The following PLAC1 variants were observed in gnomAD, a reference collection of about 807,000 sequenced individuals.
PLAC1 encodes the protein placenta-specific protein 1.
For missense variants in PLAC1, 136 were observed against 163.2 expected (o/e 0.83, Z 0.91); for synonymous variants, 68 against 62.1 (o/e 1.09, Z -0.44).
chrX:134,713,653 G>A, intron 2 of PLAC1, among the ~76,000 whole-genome samples: 1 of 112,091 alleles, frequency 8.9e-6, no homozygotes, highest in Middle Eastern at 4.6e-3. Flanking sequence ...AAGCAGTAAG[G>A]AAGTATGACA....
chrX:134,645,669 C>A (rs2078329448), intron 1 of PLAC1, among the ~76,000 whole-genome samples: 1 of 111,786 alleles, frequency 8.9e-6, no homozygotes, highest in South Asian at 3.7e-4. Context: ...GCTGGGCCCA[C>A]GATGTACAGT....
intron 1 of PLAC1, among the ~76,000 whole-genome samples, chrX:134,606,609 G>A (rs1259551832): frequency 1.8e-5 from 2 of 112,039 alleles, no homozygotes; most frequent in African/African-American, 6.5e-5. Flanking sequence ...GAAAACAGTA[G>A]GGATAGTTCT....
chrX:134,691,370 G>T (rs894865771), intron 2 of PLAC1, among the ~76,000 whole-genome samples: 1 of 110,917 alleles, frequency 9.0e-6, no homozygotes, highest in Non-Finnish European at 1.9e-5. Context: ...GAACAAATGA[G>T]GAGCAATGAC....
chrX:134,687,272 T>G (rs2078520449), intron 2 of PLAC1, among the ~76,000 whole-genome samples: 1 of 111,871 alleles, frequency 8.9e-6, no homozygotes, highest in African/African-American at 3.3e-5. Context: ...TCTTTCTAGT[T>G]TCCTTTAGGC....
intron 2 of PLAC1, among the ~76,000 whole-genome samples, chrX:134,695,797 C>T (rs2078560847): frequency 8.9e-6 from 1 of 111,860 alleles, no homozygotes. Flanking sequence ...AACTTGAAAA[C>T]TTAAATTTTC....
At chrX:134,701,044 A>G (rs1458234262) in intron 2 of PLAC1, among the ~76,000 whole-genome samples, 1 of 112,290 alleles carries the variant, frequency 8.9e-6, no homozygotes, top group Non-Finnish European at 1.9e-5. Flanking sequence ...CTATACTATA[A>G]GGCTACAGTA....
intron 2 of PLAC1, among the ~76,000 whole-genome samples, chrX:134,716,328 G>A (rs958029480): frequency 8.9e-6 from 1 of 112,576 alleles, no homozygotes; most frequent in Non-Finnish European, 1.9e-5. Flanking sequence ...GCAGACCTGG[G>A]ATGCTTGAAA....
Position 134,689,934 on chromosome X carries a change from A to G in PLAC1, n.174+43501T>C, listed in dbSNP as rs996286916. 1.1e-4 allele frequency among the ~76,000 whole-genome samples: 12 copies of G among 112,218 alleles called. No individual in the cohort carries two copies. In the Admixed American group the frequency reaches 1.1e-3, roughly 11 times the overall value. On this transcript the variant is annotated intron_variant and non_coding_transcript_variant, in intron 2 of 2. Transcript: ENST00000466797. The stretch of plus-strand genomic sequence containing the variant: ...ATTCAGTGGCATTTGGTACATCACA[A>G]TGTTGTGCAACCATCACCACCATCT...
intron 2 of PLAC1, among the ~76,000 whole-genome samples, chrX:134,680,504 A>G (rs984438170): frequency 9.4e-6 from 1 of 106,429 alleles, no homozygotes; most frequent in African/African-American, 3.5e-5. Flanking sequence ...GGGCTTCTGT[A>G]TGAGCAAGTA....
chrX:134,677,910 G>A (rs1410261294), intron 2 of PLAC1, among the ~76,000 whole-genome samples: 2 of 111,429 alleles, frequency 1.8e-5, no homozygotes, highest in African/African-American at 6.5e-5. Context: ...AGTGATGGAG[G>A]TGATGAGAAA....
intron 1 of PLAC1, among the ~76,000 whole-genome samples, chrX:134,608,756 A>C (rs1232623000): frequency 9.7e-6 from 1 of 103,193 alleles, no homozygotes; most frequent in East Asian, 3.0e-4. Context: ...GCTCACTGCA[A>C]TCTCCGCCTC....
intron 2 of PLAC1, among the ~76,000 whole-genome samples, chrX:134,728,722 A>C (rs1216395687): frequency 8.9e-6 from 1 of 112,275 alleles, no homozygotes; most frequent in Non-Finnish European, 1.9e-5. Flanking sequence ...CAGTAAATTT[A>C]ATATTTAAAG....
intron 2 of PLAC1, among the ~76,000 whole-genome samples, chrX:134,670,453 G>A (rs943636713): frequency 9.0e-6 from 1 of 111,499 alleles, no homozygotes; most frequent in Non-Finnish European, 1.9e-5. Context: ...CAGTCAGGCA[G>A]TCAGTCTCTC....
At position 134,617,330 on chromosome X, in the gene PLAC1, T is replaced by C. The variant is rs189082669; in HGVS notation, c.-130-15208A>G. On this transcript the variant is annotated intron_variant, in intron 1 of 2. Transcript: ENST00000359237. ...ATTTGGATGCCTTTCAAAAAAGGTG[T>C]GTGGTTGCTCTGGCTAGTACTTCCA... is the stretch of plus-strand genomic sequence containing the variant. 2.1e-3 allele frequency among the ~76,000 whole-genome samples: 237 copies of C among 111,636 alleles called. 1 individual carries two copies. The highest frequency in any genetic ancestry group is 7.5e-3 in the African/African-American group (232 of 30,759).
chrX:134,691,078 A>G (rs2078538814), intron 2 of PLAC1, among the ~76,000 whole-genome samples: 1 of 89,719 alleles, frequency 1.1e-5, no homozygotes, highest in African/African-American at 4.0e-5. Flanking sequence ...AGGAGACAAG[A>G]CTTTAACTTC....
At chrX:134,597,160 A>C (rs907737655) in intron 2 of PLAC1, among the ~76,000 whole-genome samples, 2 of 111,452 alleles carry the variant, frequency 1.8e-5, no homozygotes, top group African/African-American at 6.5e-5. Flanking sequence ...ATAATTCTAC[A>C]GGTCCCTGAG....
chrX:134,764,137 T>A (rs2078778019), intron 1 of PLAC1: 1 of 112,433 alleles, frequency 8.9e-6, no homozygotes, highest in Admixed American at 9.4e-5. Flanking sequence ...CCAAGTTTAC[T>A]GTAATAAAAA....
At chrX:134,661,708 C>G (rs987838464), upstream of PLAC1, among the ~76,000 whole-genome samples, 31 of 111,773 alleles carry the variant, frequency 2.8e-4, no homozygotes, top group Non-Finnish European at 1.3e-4. Context: ...AAACTCCCAG[C>G]TTCAAAGAAA....
chrX:134,697,379 C>T (rs941188046), intron 2 of PLAC1, among the ~76,000 whole-genome samples: 2 of 111,546 alleles, frequency 1.8e-5, no homozygotes, highest in African/African-American at 6.5e-5. Context: ...TAACACAATA[C>T]AAAAGAAAGG....
Sources: allele counts gnomAD v4.1 joint callset (sites outside exome capture counted in the v4.1 genomes callset), GRCh38; gene constraint gnomAD v4.1.1; transcripts MANE v1.5; gene names NCBI Gene and HGNC (gene_info 2026-07-23, HGNC 2026-07-21).